Variants in BRD10 observed in about 807,000 individuals in gnomAD.
BRD10 encodes uncharacterized bromodomain-containing protein 10.
At chr9:5,932,655 T>G in the BRD10 span, among the ~76,000 whole-genome samples, 2 of 152,112 alleles carry the variant, frequency 1.3e-5, no homozygotes, top group African/African-American at 2.4e-5. Context: ...GGTATGAAGG[T>G]GGGGTCCTGG....
chr9:6,000,670 A>G, the BRD10 span, among the ~76,000 whole-genome samples: 1 of 128,424 alleles, frequency 7.8e-6, no homozygotes, highest in South Asian at 2.5e-4. Context: ...TTTTTAAATA[A>G]TAGTCTGTAA....
chr9:5,882,251 G>C, the BRD10 span, among the ~76,000 whole-genome samples: 2 of 152,008 alleles, frequency 1.3e-5, no homozygotes, highest in Admixed American at 1.3e-4. Flanking sequence ...TCTTAATTTG[G>C]TGACAGCAAT....
At chr9:5,895,548 C>G in the BRD10 span, among the ~76,000 whole-genome samples, 2 of 152,190 alleles carry the variant, frequency 1.3e-5, no homozygotes, top group African/African-American at 4.8e-5. Context: ...CACATCCAGC[C>G]AAGAAGGACT....
chr9:6,007,725 C>G, the BRD10 span: 1 of 1,599,812 alleles, frequency 6.3e-7, no homozygotes, highest in Admixed American at 1.7e-5. Context: ...CTTCGGCCGC[C>G]GGTGGCGGCC....
chr9:5,942,039 T>C, the BRD10 span, among the ~76,000 whole-genome samples: 1 of 152,044 alleles, frequency 6.6e-6, no homozygotes, highest in Non-Finnish European at 1.5e-5. Context: ...CAAAATATTA[T>C]AATGGAATAT....
At chr9:5,959,410 G>A in the BRD10 span, among the ~76,000 whole-genome samples, 2 of 152,042 alleles carry the variant, frequency 1.3e-5, no homozygotes, top group Non-Finnish European at 2.9e-5. Flanking sequence ...CTGTAATAAT[G>A]GGGAATAATA....
chr9:5,927,929 C>T, the BRD10 span, among the ~76,000 whole-genome samples: 1 of 152,106 alleles, frequency 6.6e-6, no homozygotes, highest in Admixed American at 6.5e-5. Flanking sequence ...AAATTTGTAC[C>T]TCCAGACTCC....
At chr9:5,922,120 T>G in the BRD10 span, 1 of 1,614,008 alleles carries the variant, frequency 6.2e-7, no homozygotes, top group Admixed American at 1.7e-5. Context: ...TCTGTACTTT[T>G]ACAACTCCAG....
At chr9:5,916,054 T>C in the BRD10 span, among the ~76,000 whole-genome samples, 7 of 152,324 alleles carry the variant, frequency 4.6e-5, no homozygotes, top group East Asian at 1.3e-3. Flanking sequence ...CTTCAACTTT[T>C]CTAAGCCTCA....
At chr9:5,904,577 A>T in the BRD10 span, among the ~76,000 whole-genome samples, 1 of 151,766 alleles carries the variant, frequency 6.6e-6, no homozygotes, top group African/African-American at 2.4e-5. Context: ...GGTTCAAGTG[A>T]TTCTCCTGTC....
chr9:5,931,564 G>C, the BRD10 span, among the ~76,000 whole-genome samples: 1 of 152,234 alleles, frequency 6.6e-6, no homozygotes, highest in Admixed American at 6.5e-5. Flanking sequence ...GTTTTGAAAT[G>C]TCTGTTATCT....
chr9:5,958,161 T>C, the BRD10 span, among the ~76,000 whole-genome samples: 2 of 152,274 alleles, frequency 1.3e-5, no homozygotes, highest in Non-Finnish European at 2.9e-5. Context: ...TAATTAATGT[T>C]ACAAAAGTAT....
chr9:5,898,211 T>TA, the BRD10 span: 113 of 151,830 alleles, frequency 7.4e-4, 1 homozygote, highest in Middle Eastern at 6.8e-3. Flanking sequence ...ACCGGCTAAT[T>TA]AAAAAAAAAC....
the BRD10 span, among the ~76,000 whole-genome samples, chr9:5,904,132 T>C: frequency 0.011 from 1,725 of 152,326 alleles, 30 homozygotes; most frequent in African/African-American, 0.04. Flanking sequence ...TGCTTGGGAT[T>C]ACAGGTGTGA....
the BRD10 span, among the ~76,000 whole-genome samples, chr9:5,944,544 T>C: frequency 6.6e-6 from 1 of 152,080 alleles, no homozygotes; most frequent in Non-Finnish European, 1.5e-5. Flanking sequence ...ATTAAAAGCA[T>C]ATAATTATTA....
At chr9:5,933,989 G>C in the BRD10 span, 1 of 338,162 alleles carries the variant, frequency 3.0e-6, no homozygotes, top group African/African-American at 2.1e-5. Context: ...TTAAACTTAG[G>C]TGAAAGTCAC....
the BRD10 span, among the ~76,000 whole-genome samples, chr9:5,970,975 C>G: frequency 7.3e-6 from 1 of 136,250 alleles, no homozygotes; most frequent in African/African-American, 2.8e-5. Context: ...TCGCTTGAAT[C>G]TGGGAGGCAG....
At chr9:5,931,457 A>G in the BRD10 span, among the ~76,000 whole-genome samples, 1 of 152,200 alleles carries the variant, frequency 6.6e-6, no homozygotes, top group Non-Finnish European at 1.5e-5. Context: ...CCACATGGAG[A>G]AATATACTAC....
chr9:6,006,365 C>T, the BRD10 span, among the ~76,000 whole-genome samples: 4 of 152,320 alleles, frequency 2.6e-5, no homozygotes, highest in African/African-American at 9.6e-5. Flanking sequence ...TATTCCACTT[C>T]AACTACCAAT....
Sources: gnomAD v4.1 joint callset for allele counts (sites outside exome capture counted in the v4.1 genomes callset) on GRCh38, gnomAD v4.1.1 for gene constraint, MANE v1.5 for transcripts, NCBI Gene and HGNC (gene_info 2026-07-23, HGNC 2026-07-21) for gene names.